The following PAPSS1 variants were observed in gnomAD, a reference collection of about 807,000 sequenced individuals.
The protein encoded by PAPSS1 is 3'-phosphoadenosine 5'-phosphosulfate synthase 1, also known as bifunctional 3'-phosphoadenosine 5'-phosphosulfate synthase 1.
PAPSS1 carries 50 observed loss-of-function variants against 72.0 expected under a neutral mutation model. That is an observed-to-expected ratio of 0.69 (90% CI 0.55 to 0.88). The LOEUF (loss-of-function observed/expected upper bound fraction) is 0.88, where lower values mean the gene tolerates loss of function less well. Among genes scored for constraint, PAPSS1 ranks in the 40% least tolerant of loss-of-function variants. PAPSS1 has a pLI of 0.00. For synonymous variants in PAPSS1, 261 were observed against 263.6 expected (o/e 0.99, Z 0.09); for missense variants, 657 against 782.2 (o/e 0.84, Z 1.91).
rs75217595 is a variant in PAPSS1, at chr4:107,664,397, T to A, written c.670-4325A>T. ...GATTTTTACTGGCTACAACAAGGCA[T>A]GTTTAGCTGGTTTCCTAATCCAGCA... On this transcript the variant is annotated intron_variant, in intron 5 of 11. Transcript: ENST00000265174. Among the ~76,000 whole-genome samples the A allele has an allele frequency of 2.1e-3, 314 of 152,236 alleles. 2 individuals are homozygous for A. The highest frequency in any genetic ancestry group is 7.1e-3 in the African/African-American group (297 of 41,544).
At chr4:107,669,973 T>A (rs1374262886) in intron 5 of PAPSS1, among the ~76,000 whole-genome samples, 1 of 152,200 alleles carries the variant, frequency 6.6e-6, no homozygotes, top group Admixed American at 6.5e-5. Flanking sequence ...AGTTTCTTCA[T>A]TTCTCTGAAA....
chr4:107,672,872 G>A (rs879642681), intron 5 of PAPSS1, among the ~76,000 whole-genome samples: 15 of 152,312 alleles, frequency 9.8e-5, no homozygotes, highest in Admixed American at 2.6e-4. Context: ...ACTTCCAGAG[G>A]AACGATCAGG....
intron 1 of PAPSS1, among the ~76,000 whole-genome samples, chr4:107,704,505 T>C (rs1479313845): frequency 6.6e-6 from 1 of 152,250 alleles, no homozygotes; most frequent in Non-Finnish European, 1.5e-5. Context: ...TAGCCCTTAT[T>C]ACGTTGAAGT....
rs1397412697 is a variant in PAPSS1, at chr4:107,618,870, C to T, written c.1737-4483G>A. Among the ~76,000 whole-genome samples the T allele has an allele frequency of 3.9e-5, 6 of 152,034 alleles. No homozygotes were observed. The East Asian group carries it at 1.2e-3, about 29-fold the overall frequency. On this transcript the variant is annotated intron_variant, in intron 11 of 11. Coordinates refer to ENST00000265174, the MANE Select transcript of PAPSS1 (RefSeq NM_005443.5). The stretch of plus-strand genomic sequence containing the variant: ...GGAGGGGGTCCAGATAGCTTTCCAA[C>T]TATATCCAAAAATGCTTGCTCTAAC...
intron 11 of PAPSS1, among the ~76,000 whole-genome samples, chr4:107,618,327 G>C (rs1409956586): frequency 6.6e-6 from 1 of 150,422 alleles, no homozygotes; most frequent in East Asian, 1.9e-4. Context: ...AAAAGAAAGA[G>C]ATAGAGCAGT....
intron 1 of PAPSS1, among the ~76,000 whole-genome samples, chr4:107,711,982 T>G (rs1723507380): frequency 6.6e-6 from 1 of 152,168 alleles, no homozygotes; most frequent in Non-Finnish European, 1.5e-5. Flanking sequence ...AGGAAGCAAA[T>G]CTCAGGCCCT....
intron 11 of PAPSS1, 111 bp downstream of exon 11, chr4:107,631,520 A>C (rs1013984215): frequency 5.8e-6 from 4 of 693,278 alleles, no homozygotes; most frequent in Non-Finnish European, 9.7e-6. Context: ...TTTCTCTGAC[A>C]TGAGTACCAC....
chr4:107,683,361 T>C (rs577973856), intron 4 of PAPSS1, among the ~76,000 whole-genome samples: 2 of 41,614 alleles, frequency 4.8e-5, no homozygotes, highest in African/African-American at 7.7e-5. Context: ...AGAAAATGGC[T>C]GGGAAAAAAA....
intron 11 of PAPSS1, among the ~76,000 whole-genome samples, chr4:107,626,029 A>T (rs2672493): frequency 0.67 from 101,067 of 150,368 alleles, 34,758 homozygotes; most frequent in African/African-American, 0.84. Context: ...ATAAAAAAAA[A>T]TAGCCGGGCG....
At chr4:107,692,778 G>GTGTA in intron 3 of PAPSS1, among the ~76,000 whole-genome samples, 1 of 147,078 alleles carries the variant, frequency 6.8e-6, no homozygotes, top group African/African-American at 2.5e-5. Context: ...AACACGGTGT[G>GTGTA]TATATATATA....
intron 5 of PAPSS1, among the ~76,000 whole-genome samples, chr4:107,669,016 A>T (rs1190896544): frequency 6.6e-6 from 1 of 152,142 alleles, no homozygotes; most frequent in African/African-American, 2.4e-5. Context: ...GCAACATGGT[A>T]CTTGATATAT....
intron 1 of PAPSS1, among the ~76,000 whole-genome samples, chr4:107,717,634 T>C (rs2522433): frequency 0.28 from 42,404 of 152,032 alleles, 6,921 homozygotes; most frequent in East Asian, 0.46. Context: ...CTCAGAAATG[T>C]AACAAAAACT....
intron 3 of PAPSS1, among the ~76,000 whole-genome samples, chr4:107,690,879 A>C (rs1487194593): frequency 8.5e-5 from 13 of 152,228 alleles, no homozygotes; most frequent in African/African-American, 3.1e-4. Context: ...GCTCTCCATA[A>C]CAGGTATTAT....
At chr4:107,659,921 G>C (rs1182302157) in intron 6 of PAPSS1, 38 bp downstream of exon 6, 2 of 1,104,104 alleles carry the variant, frequency 1.8e-6, no homozygotes, top group Admixed American at 1.8e-5. Context: ...TGTATATAAG[G>C]CTGTATCACT....
chr4:107,658,961 AG>A (rs1190666209), intron 6 of PAPSS1, among the ~76,000 whole-genome samples: 1 of 152,232 alleles, frequency 6.6e-6, no homozygotes, highest in Non-Finnish European at 1.5e-5. Flanking sequence ...CATTCCATTT[AG>A]AAAAAGCTAC....
At chr4:107,636,504 G>A (rs921774113) in intron 10 of PAPSS1, among the ~76,000 whole-genome samples, 2 of 152,124 alleles carry the variant, frequency 1.3e-5, no homozygotes, top group South Asian at 4.2e-4. Flanking sequence ...CAGCAGAAGC[G>A]TGCAACTCAA....
chr4:107,655,290 G>A (rs1726974153), intron 7 of PAPSS1, among the ~76,000 whole-genome samples: 1 of 152,106 alleles, frequency 6.6e-6, no homozygotes, highest in Admixed American at 6.5e-5. Context: ...CTACGTTTCT[G>A]GGCCTTTTCA....
chr4:107,677,318 A>G (rs1578415759), intron 5 of PAPSS1, among the ~76,000 whole-genome samples: 1 of 152,186 alleles, frequency 6.6e-6, no homozygotes, highest in Admixed American at 6.5e-5. Context: ...GAATCTATAA[A>G]GAACTCAAAT....
chr4:107,669,540 C>T (rs1175984886), intron 5 of PAPSS1, among the ~76,000 whole-genome samples: 1 of 152,192 alleles, frequency 6.6e-6, no homozygotes, highest in Non-Finnish European at 1.5e-5. Flanking sequence ...GCTTAATTCA[C>T]TGCCACATCC....
Sources: allele counts gnomAD v4.1 joint callset (sites outside exome capture counted in the v4.1 genomes callset), GRCh38; gene constraint gnomAD v4.1.1; transcripts MANE v1.5; gene names NCBI Gene and HGNC (gene_info 2026-07-23, HGNC 2026-07-21).